The following KCNQ1 variants were observed in gnomAD, a reference collection of about 807,000 sequenced individuals.
KCNQ1 encodes potassium voltage-gated channel subfamily KQT member 1.
In KCNQ1, 49 loss-of-function variants were observed where a neutral mutation model predicts 72.4. The observed-to-expected ratio is 0.68, with a 90% CI of 0.54 to 0.86. The LOEUF is 0.86. KCNQ1 is among the 40% of genes least tolerant of loss of function. KCNQ1 has a pLI of 0.00. For synonymous variants in KCNQ1, 450 were observed against 412.6 expected (o/e 1.09, Z -1.10); for missense variants, 790 against 945.1 (o/e 0.84, Z 2.15).
chr11:2,700,344 C>T (rs1590041010), intron 11 of KCNQ1, among the ~76,000 whole-genome samples: 1 of 152,254 alleles, frequency 6.6e-6, no homozygotes. Context: ...GAGCTGGAGA[C>T]ACGGGCCAGT....
intron 1 of KCNQ1, among the ~76,000 whole-genome samples, chr11:2,517,509 C>T (rs1847308129): frequency 6.6e-6 from 1 of 152,200 alleles, no homozygotes; most frequent in Admixed American, 6.5e-5. Context: ...GGCGCCTCAC[C>T]TCTCTGTCTG....
intron 10 of KCNQ1, chr11:2,610,993 G>A (rs1444880284): frequency 1.8e-5 from 7 of 398,072 alleles, no homozygotes; most frequent in East Asian, 7.1e-5. Flanking sequence ...TTATTGTTGA[G>A]TTGTCTATTA....
intron 6 of KCNQ1, among the ~76,000 whole-genome samples, chr11:2,578,024 T>C (rs1320456694): frequency 6.6e-6 from 1 of 152,210 alleles, no homozygotes; most frequent in Non-Finnish European, 1.5e-5. Context: ...CTCTGAGCCC[T>C]GCATGGGGGG....
chr11:2,773,208 T>G (rs1846630886), intron 12 of KCNQ1, among the ~76,000 whole-genome samples: 1 of 152,148 alleles, frequency 6.6e-6, no homozygotes, highest in African/African-American at 2.4e-5. Flanking sequence ...GAAAGGAAGA[T>G]CAAGGCTCAG....
rs946326192 is a variant in KCNQ1 at position 2,661,442 on chromosome 11, T to C, written c.1394-519T>C. On this transcript the variant is annotated intron_variant, in intron 10 of 15. Coordinates refer to ENST00000155840, the MANE Select transcript of KCNQ1 (RefSeq NM_000218.3). This position sits in a 1 kb window ranked among gnomAD's most constrained non-coding sequence, Gnocchi z 5.9. ...GGGGGTACAACTGGTTGATGTAGCA[T>C]CGTGTTTTGAGGAAGGAGTTCTGTG... 1.6e-5 allele frequency: 7 copies of C among 438,936 alleles called. No individual in the cohort carries two copies. The highest frequency in any genetic ancestry group is 4.0e-5 in the African/African-American group (2 of 49,984). 27.2% of individuals were successfully genotyped at this position (438,936 alleles called of 1,614,324 possible). A position where few individuals can be genotyped will look rare whatever the true frequency, so the allele number is the denominator to read the frequency against.
In KCNQ1 at chr11:2,563,800, T is replaced by C. The variant is rs926973382; in HGVS notation, c.478-6828T>C. Among the ~76,000 whole-genome samples the C allele has an allele frequency of 3.3e-5, 5 of 152,270 alleles. No individual in the cohort carries two copies. The highest frequency in any genetic ancestry group is 1.2e-4 in the African/African-American group (5 of 41,474). On this transcript the variant is annotated intron_variant, in intron 2 of 15. Coordinates refer to ENST00000155840, the MANE Select transcript of KCNQ1 (RefSeq NM_000218.3). This position sits in a 1 kb window ranked among gnomAD's most constrained non-coding sequence, Gnocchi z 7.4. ...GCCCTTTGCACTGCCTGCTATTTGT[T>C]TTCTGTCTTCATCCTGAGAGGGCTC... is the stretch of plus-strand genomic sequence containing the variant.
intron 10 of KCNQ1, chr11:2,655,361 G>A: frequency 2.5e-6 from 1 of 398,662 alleles, no homozygotes; most frequent in Non-Finnish European, 4.4e-6. Flanking sequence ...TCAAAAACCA[G>A]GACTGTCTTA....
chr11:2,786,942 C>T (rs1335365096), intron 15 of KCNQ1, among the ~76,000 whole-genome samples: 18 of 114,140 alleles, frequency 1.6e-4, no homozygotes, highest in East Asian at 7.2e-4. Flanking sequence ...TGTTTCATTT[C>T]GTTTCTGTTT....
intron 1 of KCNQ1, among the ~76,000 whole-genome samples, chr11:2,456,009 C>T (rs886569645): frequency 3.3e-5 from 5 of 152,210 alleles, no homozygotes; most frequent in African/African-American, 1.2e-4. Flanking sequence ...GGAATGAAGT[C>T]AGACTCCTAT....
At chr11:2,802,724 G>A (rs992583363) in intron 15 of KCNQ1, among the ~76,000 whole-genome samples, 7 of 152,200 alleles carry the variant, frequency 4.6e-5, no homozygotes, top group Non-Finnish European at 7.4e-5. Flanking sequence ...GGAAGGAGGC[G>A]TTTGCAGGGC....
Position 2,781,249 on chromosome 11 carries a change from C to T in KCNQ1, c.1794+3212C>T, listed in dbSNP as rs1017749987. 2.6e-5 allele frequency among the ~76,000 whole-genome samples: 4 copies of T among 152,022 alleles called. No homozygotes were observed. Among genetic ancestry groups the T allele is most frequent in the East Asian group, 1.9e-4 (1 of 5,188 alleles). On this transcript the variant is annotated intron_variant, in intron 15 of 15. Coordinates refer to ENST00000155840, the MANE Select transcript of KCNQ1 (RefSeq NM_000218.3). This position sits in a 1 kb window ranked among gnomAD's most constrained non-coding sequence, Gnocchi z 6.6. Reference sequence around the variant, plus strand: ...AATCCTCTTTTACAGATGGGGAAACCGAGGCTCAGAGAGGCTGAGTGGTCG... The same window carrying T: ...AATCCTCTTTTACAGATGGGGAAACTGAGGCTCAGAGAGGCTGAGTGGTCG...
At position 2,564,000 on chromosome 11, in the gene KCNQ1, C is replaced by T. The variant is rs11600454; in HGVS notation, c.478-6628C>T. ...GCCGCTGGGTGGCCCTGAAGGCCCA[C>T]AGAATCCTTTTGGAGACCTGACCCG... On this transcript the variant is annotated intron_variant, in intron 2 of 15. Transcript: ENST00000155840. The surrounding 1 kb of genome is among the most constrained non-coding windows in gnomAD (Gnocchi z 7.4). Among the ~76,000 whole-genome samples, 18,894 of 152,248 alleles carry T rather than the reference C, an allele frequency of 0.12. 1,273 individuals carry two copies. Among genetic ancestry groups the T allele is most frequent in the South Asian group, 0.27 (1,310 of 4,828 alleles).
At chr11:2,696,242 C>A (rs1181300554) in intron 11 of KCNQ1, 1 of 398,530 alleles carries the variant, frequency 2.5e-6, no homozygotes, top group Non-Finnish European at 4.4e-6. Context: ...ATGGCAACTA[C>A]CTTTTGCTTT....
intron 11 of KCNQ1, among the ~76,000 whole-genome samples, chr11:2,727,343 CAG>C (rs1845782153): frequency 6.6e-6 from 1 of 152,194 alleles, no homozygotes; most frequent in African/African-American, 2.4e-5. Context: ...ATCTGTAAAA[CAG>C]GGACAATCAC....
In KCNQ1 at chr11:2,781,497, G is replaced by A. The variant is rs567801611; in HGVS notation, c.1794+3460G>A. On this transcript the variant is annotated intron_variant, in intron 15 of 15. Transcript: ENST00000155840. This position sits in a 1 kb window ranked among gnomAD's most constrained non-coding sequence, Gnocchi z 6.6. Reference sequence around the variant, plus strand: ...CAATGCAGGCGGTCGGGAGAGGTCCGGAGAGAGCTGGCCCTGCCCACTCCC... The same window carrying A: ...CAATGCAGGCGGTCGGGAGAGGTCCAGAGAGAGCTGGCCCTGCCCACTCCC... Among the ~76,000 whole-genome samples the A allele has an allele frequency of 2.2e-4, 34 of 152,324 alleles. No individual in the cohort carries two copies. Among genetic ancestry groups the A allele is most frequent in the East Asian group, 1.2e-3 (6 of 5,160 alleles).
intron 12 of KCNQ1, among the ~76,000 whole-genome samples, chr11:2,773,187 C>G (rs765448581): frequency 6.6e-6 from 1 of 151,930 alleles, no homozygotes; most frequent in South Asian, 2.1e-4. Context: ...AGTTCAACAA[C>G]CCGTCCTACA....
chr11:2,774,519 A>T (rs1373048151), intron 12 of KCNQ1, among the ~76,000 whole-genome samples: 2 of 152,024 alleles, frequency 1.3e-5, no homozygotes, highest in East Asian at 3.9e-4. Context: ...TGGAAGAGGA[A>T]CCCCCTGAAC....
In KCNQ1 at chr11:2,669,816, A is replaced by C. The variant is rs1212418735; in HGVS notation, c.1514+7735A>C. The C allele has an allele frequency of 2.5e-6, 1 of 398,468 alleles. No homozygotes were observed. The highest frequency in any genetic ancestry group is 4.4e-6 in the Non-Finnish European group (1 of 226,066). The allele number at this position is 398,468 out of a possible 1,614,324, so 24.7% of individuals were successfully genotyped here. A position where few individuals can be genotyped will look rare whatever the true frequency, so the allele number is the denominator to read the frequency against. On this transcript the variant is annotated intron_variant, in intron 11 of 15. Transcript: ENST00000155840. The surrounding 1 kb of genome is among the most constrained non-coding windows in gnomAD (Gnocchi z 5.6). ...CTTATTTGGCCTGAGAGCTTTTGAG[A>C]CTGCCAGGTCATGAGTTACCATGGG...
chr11:2,513,886 A>G (rs1417513382), intron 1 of KCNQ1, among the ~76,000 whole-genome samples: 1 of 152,214 alleles, frequency 6.6e-6, no homozygotes, highest in Non-Finnish European at 1.5e-5. Flanking sequence ...CTGCCCGGCT[A>G]AAGCCCCACC....
Sources: gnomAD v4.1 joint callset for allele counts (sites outside exome capture counted in the v4.1 genomes callset) on GRCh38, gnomAD v4.1.1 for gene constraint, Gnocchi (gnomAD v3.1) non-coding constraint, MANE v1.5 for transcripts, NCBI Gene and HGNC (gene_info 2026-07-23, HGNC 2026-07-21) for gene names.